CLTC: variants seen among roughly 807,000 people sequenced by gnomAD.
The protein encoded by CLTC is clathrin heavy chain.
In CLTC, 16 loss-of-function variants were observed where a neutral mutation model predicts 195.8. That is an observed-to-expected ratio of 0.08 (90% CI 0.06 to 0.12). The LOEUF (loss-of-function observed/expected upper bound fraction) is 0.12. Ranked by LOEUF, CLTC falls within the 10% of genes least tolerant of loss-of-function variation. The pLI is 1.00. For synonymous variants in CLTC, 667 were observed against 689.4 expected, an observed-to-expected ratio of 0.97 and a Z score of 0.51; for missense variants, 796 against 2,027.0, an observed-to-expected ratio of 0.39 and a Z score of 11.66.
At chr17:59,671,683 C>CTT (rs1298249499) in intron 14 of CLTC, among the ~76,000 whole-genome samples, 3 of 152,134 alleles carry the variant, frequency 2.0e-5, no homozygotes, top group African/African-American at 7.2e-5. Flanking sequence ...TTCTACCTTT[C>CTT]TTTTTTTCTT....
intron 14 of CLTC, among the ~76,000 whole-genome samples, chr17:59,671,475 A>G (rs1486643547): frequency 6.6e-6 from 1 of 152,178 alleles, no homozygotes; most frequent in African/African-American, 2.4e-5. Flanking sequence ...TCAAGTGCCA[A>G]TTGTGTGTTA....
intron 1 of CLTC, among the ~76,000 whole-genome samples, chr17:59,625,664 A>C (rs1018317125): frequency 2.6e-5 from 4 of 152,206 alleles, no homozygotes; most frequent in African/African-American, 9.7e-5. Context: ...TAAACAAACA[A>C]AAATGAAGAA....
chr17:59,633,619 A>G (rs1197789390), intron 1 of CLTC, among the ~76,000 whole-genome samples: 1 of 152,138 alleles, frequency 6.6e-6, no homozygotes, highest in Admixed American at 6.5e-5. Context: ...AATGTGGGAT[A>G]GAGCATAATG....
intron 1 of CLTC, among the ~76,000 whole-genome samples, chr17:59,630,458 AC>A (rs1428280038): frequency 6.6e-6 from 1 of 152,230 alleles, no homozygotes; most frequent in African/African-American, 2.4e-5. Flanking sequence ...TTTAAAGTGA[AC>A]AATTTAGTGG....
At chr17:59,673,576 C>T in intron 14 of CLTC, 71 bp from the exon 15 acceptor site, 2 of 1,201,870 alleles carry the variant, frequency 1.7e-6, no homozygotes, top group Non-Finnish European at 2.4e-6. Flanking sequence ...AGAACAAATT[C>T]TCATATGTTA....
intron 1 of CLTC, among the ~76,000 whole-genome samples, chr17:59,640,602 G>T (rs2032000222): frequency 6.6e-6 from 1 of 151,724 alleles, no homozygotes; most frequent in Non-Finnish European, 1.5e-5. Flanking sequence ...GTTTCACTGT[G>T]TTAGCCAGGA....
chr17:59,631,951 C>T (rs1407751772), intron 1 of CLTC, among the ~76,000 whole-genome samples: 1 of 138,158 alleles, frequency 7.2e-6, no homozygotes, highest in Non-Finnish European at 1.5e-5. Flanking sequence ...ACCTGGCGGA[C>T]AGAGTGAGAC....
intron 18 of CLTC, among the ~76,000 whole-genome samples, chr17:59,680,171 T>C (rs1185332326): frequency 6.6e-6 from 1 of 152,212 alleles, no homozygotes; most frequent in East Asian, 1.9e-4. Context: ...AGATTGCTAT[T>C]ATTAACACTT....
chr17:59,620,035 T>A lies in CLTC; in HGVS notation c.-97T>A. ...GGAGAGGATCCTGCTGAGCCCAGCC[T>A]CCCCCCTCCCCTTCTCCTCCTCTCC... On this transcript the variant is annotated 5_prime_UTR_variant, in exon 1 of 32. Transcript: ENST00000269122. 1.8e-6 allele frequency: 2 copies of A among 1,088,294 alleles called. No individual in the cohort carries two copies. The highest frequency in any genetic ancestry group is 2.8e-6 in the Non-Finnish European group (2 of 722,856). The allele number at this position is 1,088,294 out of a possible 1,614,324, so 67.4% of individuals were successfully genotyped here.
Position 59,685,075 on chromosome 17 carries a change from A to G in CLTC, c.4454A>G (p.Asp1485Gly). The G allele has an allele frequency of 1.3e-6, 2 of 1,591,672 alleles. No homozygotes were observed. Among genetic ancestry groups the G allele is most frequent in the Non-Finnish European group, 8.6e-7 (1 of 1,165,732 alleles). Residue 1485 changes from aspartate to glycine, a missense_variant, in exon 29 of 32, where the codon GAT becomes GGT. Asp to Gly is a moderately conservative substitution (Grantham distance 94, BLOSUM62 -1). Coordinates refer to ENST00000269122, the MANE Select transcript of CLTC (RefSeq NM_004859.4). The surrounding 1 kb of genome is among the most constrained non-coding windows in gnomAD (Gnocchi z 5.0). ...EDYQALRTSI[D>G]AYDNFDNISL... The stretch of plus-strand genomic sequence containing the variant: ...TTTAAGGCTCTGCGAACATCAATAG[A>G]TGCTTATGACAACTTTGACAATATC...
At chr17:59,620,227 G>A in intron 1 of CLTC, 54 bp downstream of exon 1, 1 of 1,595,972 alleles carries the variant, frequency 6.3e-7, no homozygotes, top group Admixed American at 1.7e-5. Context: ...AGGAAGGATG[G>A]AAGACGCTGG....
intron 2 of CLTC, 84 bp from the exon 3 acceptor site, chr17:59,647,314 T>C (rs1345323085): frequency 4.7e-6 from 5 of 1,065,224 alleles, no homozygotes; most frequent in Non-Finnish European, 6.8e-6. Context: ...TATTTTTGTT[T>C]GGAAGTGACA....
chr17:59,681,338 C>T lies in CLTC; in HGVS notation c.3109C>T (p.Arg1037Cys), dbSNP rs1387609455. Residue 1037 changes from arginine (R) to cysteine (C), a missense_variant, in exon 20 of 32, where the codon CGT (arginine) becomes TGT (cysteine). Coordinates refer to ENST00000269122, the MANE Select transcript of CLTC (RefSeq NM_004859.4). This position sits in a 1 kb window ranked among gnomAD's most constrained non-coding sequence, Gnocchi z 5.0. ...LLILTAIKAD[R>C]TRVMEYINRL... ...TATCCTCACTGCAATTAAGGCTGAC[C>T]GTACACGTGTTATGGAGTATATTAA... is the stretch of plus-strand genomic sequence containing the variant. The T allele has an allele frequency of 1.2e-6, 2 of 1,613,770 alleles. No individual in the cohort carries two copies. The highest frequency in any genetic ancestry group is 2.2e-5 in the East Asian group (1 of 44,876).
Position 59,695,902 on chromosome 17 carries a change from A to ATACTT in CLTC, c.*2052_*2056dup, listed in dbSNP as rs2033411587. The stretch of plus-strand genomic sequence containing the variant: ...GGAGACCCTGTGGGTTCTGCAGAGT[A>ATACTT]TACTTTGAAAACTATAAGATTATGA... On this transcript the variant is annotated 3_prime_UTR_variant, in exon 32 of 32. Transcript: ENST00000269122. The ATACTT allele has an allele frequency of 5.0e-6, 1 of 200,158 alleles. No homozygotes were observed. Among genetic ancestry groups the ATACTT allele is most frequent in the South Asian group, 1.9e-4 (1 of 5,226 alleles). 12.4% of individuals were successfully genotyped at this position (200,158 alleles called of 1,614,324 possible).
At chr17:59,650,401 A>G (rs1042256410) in intron 4 of CLTC, among the ~76,000 whole-genome samples, 12 of 151,616 alleles carry the variant, frequency 7.9e-5, no homozygotes, top group Admixed American at 5.9e-4. Flanking sequence ...GAAAAGTACC[A>G]TTGTAGGTAA....
In CLTC at chr17:59,694,665, T is replaced by C. The variant is rs959315334; in HGVS notation, c.*813T>C. Reference sequence around the variant, plus strand: ...TATTGTGGTGTTTTAGATCACTGAGTGTACAGAAGAGAGAAATTCAAACAA... The same window carrying C: ...TATTGTGGTGTTTTAGATCACTGAGCGTACAGAAGAGAGAAATTCAAACAA... On this transcript the variant is annotated 3_prime_UTR_variant, in exon 32 of 32. Transcript: ENST00000269122. The C allele has an allele frequency of 8.9e-6, 2 of 225,806 alleles. No individual in the cohort carries two copies. The highest frequency in any genetic ancestry group is 1.3e-4 in the East Asian group (2 of 15,488). The allele number at this position is 225,806 out of a possible 1,614,324, so 14.0% of individuals were successfully genotyped here. A position where few individuals can be genotyped will look rare whatever the true frequency, so the allele number is the denominator to read the frequency against.
chr17:59,637,182 A>T lies in CLTC; in HGVS notation c.43-7094A>T, dbSNP rs1044762597. Reference sequence around the variant, plus strand: ...ATTCATATTTTCCTCATTGTCCCTAAATGTTGTTTGGTTTAAATCAGAATC... The same window carrying T: ...ATTCATATTTTCCTCATTGTCCCTATATGTTGTTTGGTTTAAATCAGAATC... On this transcript the variant is annotated intron_variant, in intron 1 of 31. Coordinates refer to ENST00000269122, the MANE Select transcript of CLTC (RefSeq NM_004859.4). Among the ~76,000 whole-genome samples, 5 of 151,896 alleles carry T rather than the reference A, an allele frequency of 3.3e-5. No homozygotes were observed. The South Asian group carries it at 6.2e-4, about 19-fold the overall frequency.
intron 1 of CLTC, among the ~76,000 whole-genome samples, chr17:59,620,788 G>A (rs1030428433): frequency 2.6e-5 from 4 of 152,186 alleles, no homozygotes; most frequent in Non-Finnish European, 5.9e-5. Context: ...TGAAAGAACG[G>A]AACGAGGGTA....
Position 59,683,061 on chromosome 17 carries a change from T to C in CLTC, c.3874-34T>C, listed in dbSNP as rs149408252. On this transcript the variant is annotated intron_variant, in intron 24 of 31. Transcript: ENST00000269122. This position sits in a 1 kb window ranked among gnomAD's most constrained non-coding sequence, Gnocchi z 6.1. ...GACCTGAGATCTTTTACCATAGATA[T>C]TCTTATCTTTAACTGCACATTTCTC... 6 of 1,613,922 alleles carry C rather than the reference T, an allele frequency of 3.7e-6. No homozygotes were observed. The highest frequency in any genetic ancestry group is 1.3e-5 in the African/African-American group (1 of 75,038).
Sources: allele counts gnomAD v4.1 joint callset (sites outside exome capture counted in the v4.1 genomes callset), GRCh38; gene constraint gnomAD v4.1.1; non-coding constraint Gnocchi (gnomAD v3.1); transcripts MANE v1.5; gene names NCBI Gene and HGNC (gene_info 2026-07-23, HGNC 2026-07-21).